IGLL5: variants seen among roughly 807,000 people sequenced by gnomAD.
IGLL5 encodes immunoglobulin lambda like polypeptide 5.
Under a neutral mutation model 20.9 loss-of-function variants are expected in IGLL5, and 30 were observed. The ratio of observed to expected loss-of-function variants is 1.44; its 90% CI spans 1.07 to 1.95. IGLL5 has a LOEUF of 1.95. Among genes scored for constraint, IGLL5 ranks in the 30% most tolerant of loss-of-function variants. IGLL5 has a pLI of 0.00. For synonymous variants in IGLL5, 203 were observed against 117.3 expected (o/e 1.73, Z -4.72); for missense variants, 475 against 270.7 (o/e 1.75, Z -5.30).
At position 22,893,877 on chromosome 22, in the gene IGLL5, G is replaced by A. The variant is rs572045443; in HGVS notation, c.325+59G>A. The A allele has an allele frequency of 2.4e-5, 29 of 1,192,824 alleles. 1 individual carries two copies. Among genetic ancestry groups the A allele is most frequent in the Middle Eastern group, 1.9e-4 (1 of 5,222 alleles). The allele number at this position is 1,192,824 out of a possible 1,614,324, so 73.9% of individuals were successfully genotyped here. Reference sequence around the variant, plus strand: ...ACCCTCTGCTGTCCCTGGAAAATCTGTTTTCTCTCTCTGGGGCTTCCTCCC... The same window carrying A: ...ACCCTCTGCTGTCCCTGGAAAATCTATTTTCTCTCTCTGGGGCTTCCTCCC... On this transcript the variant is annotated intron_variant, in intron 2 of 2. Coordinates refer to ENST00000526893, the MANE Select transcript of IGLL5 (RefSeq NM_001178126.2).
At chr22:22,889,523 G>C (rs2067728943) in intron 1 of IGLL5, among the ~76,000 whole-genome samples, 1 of 151,168 alleles carries the variant, frequency 6.6e-6, no homozygotes, top group Non-Finnish European at 1.5e-5. Context: ...AGTGATGGGA[G>C]AAAACTGGAA....
At chr22:22,888,735 T>C (rs554052079) in intron 1 of IGLL5, among the ~76,000 whole-genome samples, 3 of 151,334 alleles carry the variant, frequency 2.0e-5, no homozygotes, top group South Asian at 2.1e-4. Context: ...GGCTGTCTGT[T>C]CACCAACTTG....
intron 2 of IGLL5, among the ~76,000 whole-genome samples, 175 bp downstream of exon 2, chr22:22,893,993 G>C (rs1601622512): frequency 1.3e-5 from 2 of 150,632 alleles, no homozygotes; most frequent in African/African-American, 4.9e-5. Context: ...GGCAGGAAGG[G>C]CCTCCACAGT....
At position 22,888,039 on chromosome 22, in the gene IGLL5, T is replaced by A. The variant is rs543147197; in HGVS notation, c.-15T>A. On this transcript the variant is annotated 5_prime_UTR_variant, in exon 1 of 3. Transcript: ENST00000526893. Reference sequence around the variant, plus strand: ...CTGCAAGTCGGGCCAGAGGTGCCCCTGAACCTGAAGGCCAATGAGACCCAA... The same window carrying A: ...CTGCAAGTCGGGCCAGAGGTGCCCCAGAACCTGAAGGCCAATGAGACCCAA... 1.3e-6 allele frequency: 2 copies of A among 1,547,954 alleles called. No individual in the cohort carries two copies. The highest frequency in any genetic ancestry group is 2.0e-5 in the Admixed American group (1 of 50,806).
chr22:22,895,938 G>A lies in IGLL5; in HGVS notation c.*244G>A. On this transcript the variant is annotated 3_prime_UTR_variant, in exon 3 of 3. Transcript: ENST00000526893. ...GCACCCAGTGTGAAAATCACCCAAGGGAGGAGGCTCACAGCCTCCCTGAGT... is the reference window on the plus strand; with the variant it reads ...GCACCCAGTGTGAAAATCACCCAAGAGAGGAGGCTCACAGCCTCCCTGAGT... The A allele has an allele frequency of 1.7e-6, 1 of 594,254 alleles. No individual in the cohort carries two copies. The highest frequency in any genetic ancestry group is 3.0e-5 in the Admixed American group (1 of 33,574). The allele number at this position is 594,254 out of a possible 1,614,324, so 36.8% of individuals were successfully genotyped here.
rs1569079182 is a variant in IGLL5 at position 22,888,276 on chromosome 22, T to TG, written c.206+17_206+18insG. On this transcript the variant is annotated intron_variant, in intron 1 of 2. Transcript: ENST00000526893. The stretch of plus-strand genomic sequence containing the variant: ...GTGGGGCAGGTAAGGGGCAAGAGAT[T>TG]CCAGGGGATGTGGGGGTCCTGCAGC... 1 of 1,545,578 alleles carries TG rather than the reference T, an allele frequency of 6.5e-7. No individual in the cohort carries two copies. The highest frequency in any genetic ancestry group is 8.7e-7 in the Non-Finnish European group (1 of 1,145,274).
intron 1 of IGLL5, among the ~76,000 whole-genome samples, chr22:22,889,203 T>C (rs9620186): frequency 1.3e-5 from 2 of 151,008 alleles, no homozygotes; most frequent in South Asian, 4.2e-4. Context: ...GTGGGGATCC[T>C]GGAGGAAGCC....
intron 1 of IGLL5, among the ~76,000 whole-genome samples, chr22:22,888,590 T>A (rs185124707): frequency 2.0e-5 from 3 of 150,778 alleles, no homozygotes; most frequent in East Asian, 4.1e-4. Flanking sequence ...CCACAGGGGG[T>A]GGTGGCCACT....
chr22:22,894,572 A>G (rs145092894), intron 2 of IGLL5, among the ~76,000 whole-genome samples: 6 of 151,434 alleles, frequency 4.0e-5, no homozygotes, highest in South Asian at 4.2e-4. Flanking sequence ...CCTTCCTCAA[A>G]GGGCATGTTA....
chr22:22,889,443 G>A (rs567750082), intron 1 of IGLL5, among the ~76,000 whole-genome samples: 1 of 151,294 alleles, frequency 6.6e-6, no homozygotes, highest in Non-Finnish European at 1.5e-5. Flanking sequence ...TTTATCCTAA[G>A]GGTTGGTTGG....
At chr22:22,894,149 C>G (rs545436683) in intron 2 of IGLL5, among the ~76,000 whole-genome samples, 7 of 151,412 alleles carry the variant, frequency 4.6e-5, no homozygotes, top group Middle Eastern at 3.8e-3. Context: ...AGGGACATTG[C>G]CCAGTGACTC....
chr22:22,888,526 T>G (rs932244356), intron 1 of IGLL5, among the ~76,000 whole-genome samples: 2 of 151,332 alleles, frequency 1.3e-5, no homozygotes, highest in Admixed American at 6.6e-5. Context: ...AGTGCCTCAA[T>G]CACCTAGTCC....
intron 2 of IGLL5, among the ~76,000 whole-genome samples, 197 bp downstream of exon 2, chr22:22,894,015 G>A (rs904365666): frequency 8.0e-5 from 12 of 149,376 alleles, no homozygotes; most frequent in South Asian, 4.4e-4. Flanking sequence ...GGAGCAGCCG[G>A]ATGCAGCCTG....
chr22:22,890,746 C>T (rs760002500), intron 1 of IGLL5, among the ~76,000 whole-genome samples: 2 of 150,954 alleles, frequency 1.3e-5, no homozygotes, highest in African/African-American at 2.4e-5. Flanking sequence ...GTAGTGCCTT[C>T]GCTCCTACAT....
intron 1 of IGLL5, among the ~76,000 whole-genome samples, chr22:22,892,463 G>A (rs1049584889): frequency 1.3e-5 from 2 of 150,966 alleles, no homozygotes; most frequent in African/African-American, 4.9e-5. Flanking sequence ...TTCTCTGTAG[G>A]ATGTTAATAG....
chr22:22,892,133 G>A (rs1204921131), intron 1 of IGLL5, among the ~76,000 whole-genome samples: 2 of 151,166 alleles, frequency 1.3e-5, no homozygotes, highest in Admixed American at 6.6e-5. Flanking sequence ...CTGTAAATTT[G>A]GGGAGATATT....
At position 22,896,008 on chromosome 22, in the gene IGLL5, A is replaced by T; in HGVS notation, c.*314A>T. 1.9e-6 allele frequency: 1 copy of T among 519,416 alleles called. No homozygotes were observed. The highest frequency in any genetic ancestry group is 3.5e-6 in the Non-Finnish European group (1 of 288,598). 32.2% of individuals were successfully genotyped at this position (519,416 alleles called of 1,614,324 possible). On this transcript the variant is annotated 3_prime_UTR_variant, in exon 3 of 3. Transcript: ENST00000526893. ...TCCTCTCCCAGTCACCCCTTCTCCA[A>T]CTCTCCACTGTACCCCTGAGCTACC...
chr22:22,888,691 G>A (rs1601603094), intron 1 of IGLL5, among the ~76,000 whole-genome samples: 3 of 151,382 alleles, frequency 2.0e-5, no homozygotes, highest in East Asian at 2.0e-4. Flanking sequence ...ACTCCCTGGA[G>A]AAGGCAGCAA....
intron 2 of IGLL5, among the ~76,000 whole-genome samples, chr22:22,894,046 ATTGGG>A: frequency 6.6e-6 from 1 of 150,932 alleles, no homozygotes; most frequent in South Asian, 2.1e-4. Flanking sequence ...CTGAGCTGGG[ATTGGG>A]CAGGGTCAGG....
Sources: allele counts gnomAD v4.1 joint callset (sites outside exome capture counted in the v4.1 genomes callset), GRCh38; gene constraint gnomAD v4.1.1; transcripts MANE v1.5; gene names NCBI Gene and HGNC (gene_info 2026-07-23, HGNC 2026-07-21).